ZCCHC7: variants seen among roughly 807,000 people sequenced by gnomAD.
The protein encoded by ZCCHC7 is zinc finger CCHC domain-containing protein 7.
A neutral mutation model predicts 52.0 loss-of-function variants in ZCCHC7; 35 were observed. The ratio of observed to expected loss-of-function variants is 0.67; its 90% CI spans 0.51 to 0.89. The LOEUF (loss-of-function observed/expected upper bound fraction) is 0.89, where lower values mean the gene tolerates loss of function less well. Among genes scored for constraint, ZCCHC7 ranks in the 40% least tolerant of loss-of-function variants. The pLI is 0.00. For missense variants in ZCCHC7, 574 were observed against 649.1 expected, an observed-to-expected ratio of 0.88 and a Z score of 1.26; for synonymous variants, 217 against 221.5, an observed-to-expected ratio of 0.98 and a Z score of 0.18.
chr9:37,165,767 A>G (rs1821384112), intron 2 of ZCCHC7, among the ~76,000 whole-genome samples: 1 of 152,194 alleles, frequency 6.6e-6, no homozygotes. Flanking sequence ...TCTGATTTTC[A>G]GTGTGAAAAT....
At chr9:37,123,224 T>TGCGC (rs997149836) in intron 1 of ZCCHC7, among the ~76,000 whole-genome samples, 4 of 124,840 alleles carry the variant, frequency 3.2e-5, no homozygotes, top group African/African-American at 8.0e-5. Flanking sequence ...TGTGTGTGTG[T>TGCGC]GCGTGTGCGT....
chr9:37,207,087 C>A (rs1823959167), intron 2 of ZCCHC7, among the ~76,000 whole-genome samples: 1 of 152,168 alleles, frequency 6.6e-6, no homozygotes, highest in Non-Finnish European at 1.5e-5. Flanking sequence ...GATCTTACCA[C>A]TGTACTCCAG....
intron 2 of ZCCHC7, among the ~76,000 whole-genome samples, chr9:37,222,226 A>C (rs912634731): frequency 6.6e-6 from 1 of 151,886 alleles, no homozygotes; most frequent in Non-Finnish European, 1.5e-5. Flanking sequence ...AAAAAAAAAA[A>C]CAAATGGTGA....
chr9:37,305,115 C>G (rs993789000), intron 4 of ZCCHC7, among the ~76,000 whole-genome samples: 2 of 152,204 alleles, frequency 1.3e-5, no homozygotes, highest in African/African-American at 4.8e-5. Flanking sequence ...AACATTTCTT[C>G]CATTTCTCCT....
chr9:37,285,582 G>A (rs980019886), intron 2 of ZCCHC7, among the ~76,000 whole-genome samples: 6 of 151,952 alleles, frequency 3.9e-5, no homozygotes, highest in African/African-American at 1.4e-4. Context: ...TTGTTGTTTT[G>A]GAATATAATT....
rs548683025 is a variant in ZCCHC7, at chr9:37,172,999, G to T, written c.610+46057G>T. Among the ~76,000 whole-genome samples the T allele has an allele frequency of 3.3e-5, 5 of 151,952 alleles. No individual in the cohort carries two copies. The South Asian group carries it at 1.0e-3, about 32-fold the overall frequency. On this transcript the variant is annotated intron_variant, in intron 2 of 8. Coordinates refer to ENST00000336755, the MANE Select transcript of ZCCHC7 (RefSeq NM_032226.3). The stretch of plus-strand genomic sequence containing the variant: ...ATTGTGACTTGAGTGAGCAACGTGG[G>T]CATTCCAGTAGGGACTTGAGTGAGC...
At chr9:37,284,289 C>CT (rs1295313209) in intron 2 of ZCCHC7, 3 of 152,122 alleles carry the variant, frequency 2.0e-5, no homozygotes, top group Non-Finnish European at 2.9e-5. Context: ...GGCCAAGACT[C>CT]TAAGCGAACA....
chr9:37,301,140 T>G (rs1201919981), intron 2 of ZCCHC7, among the ~76,000 whole-genome samples: 1 of 152,222 alleles, frequency 6.6e-6, no homozygotes, highest in Non-Finnish European at 1.5e-5. Flanking sequence ...CAGTTAATAC[T>G]CATATTTGGT....
intron 2 of ZCCHC7, among the ~76,000 whole-genome samples, chr9:37,171,742 T>C (rs747989775): frequency 3.9e-5 from 6 of 152,218 alleles, no homozygotes; most frequent in Middle Eastern, 3.2e-3. Context: ...ATTCAGTGCC[T>C]CAACCATAGT....
chr9:37,340,462 A>G (rs561081282), intron 6 of ZCCHC7, among the ~76,000 whole-genome samples: 19 of 151,986 alleles, frequency 1.3e-4, no homozygotes, highest in African/African-American at 2.2e-4. Context: ...TTAATTTGGT[A>G]TCCGTTGGGT....
chr9:37,231,785 C>T (rs1191593005), intron 2 of ZCCHC7, among the ~76,000 whole-genome samples: 1 of 152,138 alleles, frequency 6.6e-6, no homozygotes, highest in East Asian at 1.9e-4. Context: ...GGCAGAAATG[C>T]TGAGGAAGCT....
At chr9:37,346,664 G>A in intron 6 of ZCCHC7, among the ~76,000 whole-genome samples, 1 of 152,144 alleles carries the variant, frequency 6.6e-6, no homozygotes, top group East Asian at 1.9e-4. Context: ...GACAAAGCGA[G>A]ACGCTGTCTC....
intron 2 of ZCCHC7, among the ~76,000 whole-genome samples, chr9:37,191,361 A>G (rs1355242639): frequency 6.6e-6 from 1 of 152,100 alleles, no homozygotes; most frequent in African/African-American, 2.4e-5. Flanking sequence ...TATTGTTTTG[A>G]AAGTATATTG....
intron 2 of ZCCHC7, among the ~76,000 whole-genome samples, chr9:37,137,779 T>C (rs1265488666): frequency 6.6e-6 from 1 of 152,196 alleles, no homozygotes; most frequent in Non-Finnish European, 1.5e-5. Flanking sequence ...GATCATTATT[T>C]TGTTAGTTTG....
chr9:37,195,516 G>A (rs1823245897), intron 2 of ZCCHC7, among the ~76,000 whole-genome samples: 1 of 152,148 alleles, frequency 6.6e-6, no homozygotes, highest in South Asian at 2.1e-4. Context: ...GCAGTTTAAT[G>A]AGTGGGAAGA....
At chr9:37,336,185 A>G (rs1588688418) in intron 6 of ZCCHC7, among the ~76,000 whole-genome samples, 1 of 152,302 alleles carries the variant, frequency 6.6e-6, no homozygotes, top group African/African-American at 2.4e-5. Context: ...CTGATTTCAT[A>G]GCAAAATGTA....
chr9:37,243,883 C>T (rs565293824), intron 2 of ZCCHC7, among the ~76,000 whole-genome samples: 1 of 151,956 alleles, frequency 6.6e-6, no homozygotes, highest in East Asian at 1.9e-4. Flanking sequence ...GAGCATCGCA[C>T]AGTGGATTTT....
At chr9:37,132,718 A>G (rs973533630) in intron 2 of ZCCHC7, among the ~76,000 whole-genome samples, 31 of 152,188 alleles carry the variant, frequency 2.0e-4, no homozygotes, top group African/African-American at 7.5e-4. Flanking sequence ...CATATAACCT[A>G]TTTACATCCT....
intron 2 of ZCCHC7, among the ~76,000 whole-genome samples, chr9:37,191,129 A>G (rs181190413): frequency 1.7e-4 from 26 of 152,282 alleles, no homozygotes; most frequent in Admixed American, 5.9e-4. Flanking sequence ...TTAGTAAAAC[A>G]TTTTGGGCAC....
Sources: allele counts gnomAD v4.1 joint callset (sites outside exome capture counted in the v4.1 genomes callset), GRCh38; gene constraint gnomAD v4.1.1; transcripts MANE v1.5; gene names NCBI Gene and HGNC (gene_info 2026-07-23, HGNC 2026-07-21).